Variants in NLRP5 observed in about 807,000 individuals in gnomAD.
The protein encoded by NLRP5 is NLR family pyrin domain containing 5.
NLRP5 carries 93 observed loss-of-function variants against 113.1 expected under a neutral mutation model. The ratio of observed to expected loss-of-function variants is 0.82; its 90% CI spans 0.70 to 0.98. NLRP5 has a LOEUF of 0.98. Among genes scored for constraint, NLRP5 ranks in the 50% least tolerant of loss-of-function variants. The pLI is 0.00. For missense variants in NLRP5, 1,808 were observed against 1,514.3 expected, an observed-to-expected ratio of 1.19 and a Z score of -3.22; for synonymous variants, 751 against 600.7, an observed-to-expected ratio of 1.25 and a Z score of -3.66.
intron 7 of NLRP5, among the ~76,000 whole-genome samples, chr19:56,028,845 AACTCC>A (rs1453144179): frequency 2.0e-5 from 3 of 152,058 alleles, no homozygotes; most frequent in Admixed American, 6.6e-5. Context: ...GCTCACTGCA[AACTCC>A]ACCTCCCAGG....
At chr19:56,056,516 C>T (rs1428931260) in intron 13 of NLRP5, among the ~76,000 whole-genome samples, 1 of 151,974 alleles carries the variant, frequency 6.6e-6, no homozygotes, top group African/African-American at 2.4e-5. Context: ...GAGAACGTGC[C>T]ACTGCACTCC....
At chr19:56,048,351 G>C (rs192560203) in intron 11 of NLRP5, among the ~76,000 whole-genome samples, 90 of 152,260 alleles carry the variant, frequency 5.9e-4, no homozygotes, top group African/African-American at 2.0e-3. Flanking sequence ...GCTTTAAAGA[G>C]GTTCTGTTTT....
intron 3 of NLRP5, among the ~76,000 whole-genome samples, chr19:56,012,001 T>C (rs945275694): frequency 6.6e-6 from 1 of 151,996 alleles, no homozygotes; most frequent in African/African-American, 2.4e-5. Context: ...CTAGATCTTA[T>C]AAATTCTATG....
At position 56,026,903 on chromosome 19, in the gene NLRP5, C is replaced by G. The variant is rs1409661024; in HGVS notation, c.680-10C>G. 5 of 1,547,242 alleles carry G rather than the reference C, an allele frequency of 3.2e-6. No individual in the cohort carries two copies. The highest frequency in any genetic ancestry group is 4.4e-6 in the Non-Finnish European group (5 of 1,143,906). On this transcript the variant is annotated splice_polypyrimidine_tract_variant and intron_variant, in intron 6 of 14. Coordinates refer to ENST00000390649, the MANE Select transcript of NLRP5 (RefSeq NM_153447.4). The stretch of plus-strand genomic sequence containing the variant: ...TTTCCTGATTTTCATTCTACCCTCT[C>G]TGACTCCAGGACATGGAGGTGACAC...
chr19:56,019,057 A>G (rs1038916478), intron 4 of NLRP5, among the ~76,000 whole-genome samples: 3 of 152,040 alleles, frequency 2.0e-5, no homozygotes, highest in African/African-American at 7.2e-5. Context: ...CGGCCTCCCA[A>G]AGTGCTGGGA....
At chr19:56,035,145 G>A (rs940667344) in intron 9 of NLRP5, among the ~76,000 whole-genome samples, 1 of 152,154 alleles carries the variant, frequency 6.6e-6, no homozygotes, top group African/African-American at 2.4e-5. Flanking sequence ...TCACCATGTT[G>A]GCCAGGCTGT....
intron 10 of NLRP5, among the ~76,000 whole-genome samples, chr19:56,040,403 A>G (rs1312321356): frequency 3.3e-5 from 5 of 152,068 alleles, no homozygotes; most frequent in Non-Finnish European, 7.4e-5. Context: ...CCCTGTCTCT[A>G]CCATAAATAC....
rs965374499 is a variant in NLRP5 at position 56,032,613 on chromosome 19, T to G, written c.2279T>G (p.Met760Arg). The G allele has an allele frequency of 6.2e-7, 1 of 1,611,398 alleles. No individual in the cohort carries two copies. The highest frequency in any genetic ancestry group is 8.5e-7 in the Non-Finnish European group (1 of 1,178,502). ...TGTTTCTATCCCCCCTGACATAGGA[T>G]GCGGGATAAGACCCTCATTGAGGAG... The change falls in exon 8 of 15, where the codon ATG becomes AGG. Residue 760 changes from methionine (M) to arginine (R), a missense_variant and splice_region_variant. Physicochemically the swap from Met to Arg is moderately conservative, Grantham distance 91. Transcript: ENST00000390649.
chr19:56,007,767 G>A (rs1224207278), intron 2 of NLRP5, among the ~76,000 whole-genome samples: 1 of 150,104 alleles, frequency 6.7e-6, no homozygotes, highest in Non-Finnish European at 1.5e-5. Flanking sequence ...ACGAGTTTGA[G>A]GTCTTTCTAC....
intron 14 of NLRP5, among the ~76,000 whole-genome samples, chr19:56,058,987 G>T (rs1039672504): frequency 2.6e-4 from 40 of 152,294 alleles, no homozygotes; most frequent in African/African-American, 8.9e-4. Context: ...ATTCTACCTC[G>T]AAGAGGTACT....
At position 56,046,399 on chromosome 19, in the gene NLRP5, C is replaced by CGTGTGTGTGTGTGTGTGTGTGT. The variant is rs139653516; in HGVS notation, c.2958-4016_2958-3995dup. On this transcript the variant is annotated intron_variant, in intron 11 of 14. Transcript: ENST00000390649. ...CATCAAGGATATTGCTTTGTAGTTT[C>CGTGTGTGTGTGTGTGTGTGTGT]GTGTGTGTGTGTGTGTGTGTGTGTT... 2.3e-3 allele frequency among the ~76,000 whole-genome samples: 334 copies of CGTGTGTGTGTGTGTGTGTGTGT among 148,176 alleles called. 2 individuals are homozygous for CGTGTGTGTGTGTGTGTGTGTGT. Among genetic ancestry groups the CGTGTGTGTGTGTGTGTGTGTGT allele is most frequent in the East Asian group, 0.022 (111 of 5,022 alleles).
chr19:56,039,334 G>C (rs745352345), intron 10 of NLRP5, among the ~76,000 whole-genome samples: 14 of 152,128 alleles, frequency 9.2e-5, no homozygotes, highest in Non-Finnish European at 1.9e-4. Flanking sequence ...CATCACACTA[G>C]ACCCATGTCA....
At chr19:56,022,414 G>A (rs1241949231) in intron 6 of NLRP5, among the ~76,000 whole-genome samples, 1 of 151,172 alleles carries the variant, frequency 6.6e-6, no homozygotes, top group African/African-American at 2.4e-5. Flanking sequence ...AAAGGAGGGG[G>A]CAGGGGGTCT....
chr19:56,052,101 C>T lies in NLRP5; in HGVS notation c.3128+1513C>T, dbSNP rs116147377. On this transcript the variant is annotated intron_variant, in intron 12 of 14. Coordinates refer to ENST00000390649, the MANE Select transcript of NLRP5 (RefSeq NM_153447.4). ...CTCCATCACCATTTATCCATGCTAG[C>T]GCCAATGACTAGGTCACCCCTACCT... Among the ~76,000 whole-genome samples the T allele has an allele frequency of 3.1e-3, 471 of 152,262 alleles. 1 individual carries two copies. Among genetic ancestry groups the T allele is most frequent in the African/African-American group, 0.011 (451 of 41,552 alleles).
the NLRP5 span, chr19:55,987,916 C>G: frequency 1.2e-6 from 2 of 1,601,778 alleles, no homozygotes; most frequent in Non-Finnish European, 8.6e-7. Context: ...ATCCTTAGGC[C>G]GTCCAGTCAT....
At chr19:56,006,263 C>T (rs577399560) in intron 2 of NLRP5, among the ~76,000 whole-genome samples, 14 of 151,976 alleles carry the variant, frequency 9.2e-5, no homozygotes, top group Admixed American at 4.6e-4. Flanking sequence ...CATCACACAC[C>T]GGGGTCTGTT....
Position 56,040,951 on chromosome 19 carries a change from G to T in NLRP5, c.2816G>T (p.Gly939Val), listed in dbSNP as rs772444274. 23 of 1,613,960 alleles carry T rather than the reference G, an allele frequency of 1.4e-5. No individual in the cohort carries two copies. Among genetic ancestry groups the T allele is most frequent in the Non-Finnish European group, 1.9e-5 (23 of 1,179,864 alleles). The stretch of plus-strand genomic sequence containing the variant: ...GAGGACTGTGGCATCACAGCCACGG[G>T]TTGCCAGAGTCTGGCCTCAGCCCTC... The change falls in exon 11 of 15, where the codon GGT becomes GTT. Residue 939 changes from glycine (G) to valine (V), a missense_variant. Physicochemically the swap from Gly to Val is moderately radical, Grantham distance 109. Coordinates refer to ENST00000390649, the MANE Select transcript of NLRP5 (RefSeq NM_153447.4).
intron 13 of NLRP5, among the ~76,000 whole-genome samples, chr19:56,054,998 T>C (rs1984077958): frequency 1.1e-5 from 1 of 94,010 alleles, no homozygotes; most frequent in Non-Finnish European, 2.4e-5. Context: ...TCCCCTTTTT[T>C]TTTTTTTTTT....
upstream of NLRP5, among the ~76,000 whole-genome samples, chr19:55,998,865 T>C (rs1180242263): frequency 6.6e-6 from 1 of 151,536 alleles, no homozygotes; most frequent in Non-Finnish European, 1.5e-5. Context: ...GATATATGTA[T>C]ACATGGCAGA....
Sources: allele counts gnomAD v4.1 joint callset (sites outside exome capture counted in the v4.1 genomes callset), GRCh38; gene constraint gnomAD v4.1.1; transcripts MANE v1.5; gene names NCBI Gene and HGNC (gene_info 2026-07-23, HGNC 2026-07-21).